TMEM177: variants seen among roughly 807,000 people sequenced by gnomAD.
TMEM177 encodes the protein transmembrane protein 177.
Under a neutral mutation model 14.2 loss-of-function variants are expected in TMEM177, and 4 were observed. The observed-to-expected ratio is 0.28, with a 90% CI of 0.14 to 0.64. The LOEUF is 0.64. Among genes scored for constraint, TMEM177 ranks in the 30% least tolerant of loss-of-function variants. TMEM177 has a pLI of 0.82. For synonymous variants in TMEM177, 179 were observed against 174.5 expected, an observed-to-expected ratio of 1.03 and a Z score of -0.20; for missense variants, 344 against 405.2, an observed-to-expected ratio of 0.85 and a Z score of 1.30.
At chr2:119,699,581 C>T in the TMEM177 span, among the ~76,000 whole-genome samples, 1 of 152,180 alleles carries the variant, frequency 6.6e-6, no homozygotes, top group African/African-American at 2.4e-5. Flanking sequence ...AGAGGAGGGG[C>T]CAGGCTCCTC....
the TMEM177 span, among the ~76,000 whole-genome samples, chr2:119,695,080 A>T: frequency 6.6e-6 from 1 of 152,190 alleles, no homozygotes; most frequent in Non-Finnish European, 1.5e-5. Context: ...CCCTTCTGAA[A>T]AACAAACATC....
the TMEM177 span, among the ~76,000 whole-genome samples, chr2:119,705,839 A>G: frequency 1.3e-5 from 2 of 151,658 alleles, no homozygotes; most frequent in Admixed American, 1.3e-4. Flanking sequence ...CACTACACCT[A>G]TCACCTTAGA....
chr2:119,720,432 G>A, the TMEM177 span, among the ~76,000 whole-genome samples: 1 of 151,886 alleles, frequency 6.6e-6, no homozygotes, highest in Non-Finnish European at 1.5e-5. Flanking sequence ...GTGCCACCAC[G>A]CCCAGCTAAT....
chr2:119,699,940 G>T, the TMEM177 span: 1 of 428,840 alleles, frequency 2.3e-6, no homozygotes, highest in Non-Finnish European at 4.7e-6. Flanking sequence ...AGATTCTTTG[G>T]TCATTGAGCA....
the TMEM177 span, among the ~76,000 whole-genome samples, chr2:119,705,883 T>A: frequency 0.26 from 39,693 of 150,548 alleles, 5,380 homozygotes; most frequent in South Asian, 0.33. Flanking sequence ...TTATGTATTT[T>A]CCTTCCATGT....
chr2:119,716,324 C>CA, the TMEM177 span, among the ~76,000 whole-genome samples: 7 of 152,220 alleles, frequency 4.6e-5, no homozygotes, highest in Admixed American at 3.3e-4. Context: ...GACCCGAAAG[C>CA]ACTGCTTTCA....
chr2:119,693,208 A>T, the TMEM177 span, among the ~76,000 whole-genome samples: 1 of 152,168 alleles, frequency 6.6e-6, no homozygotes, highest in East Asian at 1.9e-4. Flanking sequence ...TAGGGGCCAC[A>T]GCAGCACCCT....
the TMEM177 span, among the ~76,000 whole-genome samples, chr2:119,700,877 G>A: frequency 6.6e-6 from 1 of 152,228 alleles, no homozygotes; most frequent in Non-Finnish European, 1.5e-5. Context: ...TTTTCTGGCT[G>A]TTTTGAGATC....
downstream of TMEM177, chr2:119,685,896 A>G: frequency 1.7e-6 from 1 of 581,362 alleles, no homozygotes; most frequent in Admixed American, 3.1e-5. Context: ...TTTTATTAGG[A>G]AAAAATAGTC....
chr2:119,686,935 A>C (rs974584215), downstream of TMEM177, among the ~76,000 whole-genome samples: 3 of 152,216 alleles, frequency 2.0e-5, no homozygotes, highest in East Asian at 5.8e-4. Flanking sequence ...TGATACAAGC[A>C]TATGCCCTTG....
chr2:119,720,916 A>G, the TMEM177 span, among the ~76,000 whole-genome samples: 1 of 152,204 alleles, frequency 6.6e-6, no homozygotes. Context: ...GCAGAGTAGT[A>G]TGGGCTCTGG....
downstream of TMEM177, among the ~76,000 whole-genome samples, chr2:119,690,450 A>T (rs1009744836): frequency 1.3e-5 from 2 of 152,108 alleles, no homozygotes; most frequent in African/African-American, 4.8e-5. Context: ...GCGAGAATGA[A>T]CTAATACAGC....
chr2:119,693,441 C>T, the TMEM177 span, among the ~76,000 whole-genome samples: 4 of 152,292 alleles, frequency 2.6e-5, no homozygotes, highest in Non-Finnish European at 5.9e-5. Context: ...GAGGAAGATG[C>T]GGAGTGAAGT....
chr2:119,705,267 C>T, the TMEM177 span, among the ~76,000 whole-genome samples: 1 of 152,208 alleles, frequency 6.6e-6, no homozygotes, highest in African/African-American at 2.4e-5. Context: ...CTGGGCACAG[C>T]CTAGCTGGGT....
chr2:119,689,304 A>G (rs188284950), downstream of TMEM177, among the ~76,000 whole-genome samples: 1 of 152,290 alleles, frequency 6.6e-6, no homozygotes, highest in Admixed American at 6.5e-5. Flanking sequence ...TCTACCGAAG[A>G]GACTGACAAG....
chr2:119,680,805 G>A, intron 1 of TMEM177, 27 bp from the exon 2 acceptor site: 3 of 1,567,480 alleles, frequency 1.9e-6, no homozygotes, highest in Non-Finnish European at 2.6e-6. Flanking sequence ...CAGGGAAACT[G>A]GCTGACTTCT....
chr2:119,710,640 T>G, the TMEM177 span, among the ~76,000 whole-genome samples: 1 of 151,706 alleles, frequency 6.6e-6, no homozygotes, highest in Non-Finnish European at 1.5e-5. Flanking sequence ...GACAGAGTCT[T>G]GCTGTGTCAC....
the TMEM177 span, among the ~76,000 whole-genome samples, chr2:119,713,650 G>A: frequency 2.6e-5 from 4 of 152,106 alleles, no homozygotes; most frequent in East Asian, 7.7e-4. Flanking sequence ...GACTAGCCTG[G>A]GCAGCATTGA....
At chr2:119,702,199 T>C in the TMEM177 span, among the ~76,000 whole-genome samples, 1 of 152,272 alleles carries the variant, frequency 6.6e-6, no homozygotes, top group East Asian at 1.9e-4. Context: ...GTTTGGCCTA[T>C]GCCCAGGAAT....
Sources: gnomAD v4.1 joint callset for allele counts (sites outside exome capture counted in the v4.1 genomes callset) on GRCh38, gnomAD v4.1.1 for gene constraint, MANE v1.5 for transcripts, NCBI Gene and HGNC (gene_info 2026-07-23, HGNC 2026-07-21) for gene names.